Variants in MIR2052HG observed in about 807,000 individuals in gnomAD.
MIR2052HG encodes the protein MIR2052 host gene.
chr8:74,697,439 C>A (rs951190165), intron 2 of MIR2052HG, among the ~76,000 whole-genome samples: 3 of 152,056 alleles, frequency 2.0e-5, no homozygotes, highest in Non-Finnish European at 4.4e-5. Context: ...CCACTTTTAC[C>A]ACTTACATTC....
At chr8:74,628,075 G>A (rs953074789) in intron 2 of MIR2052HG, among the ~76,000 whole-genome samples, 4 of 152,100 alleles carry the variant, frequency 2.6e-5, no homozygotes, top group African/African-American at 9.7e-5. Flanking sequence ...TCTGCTTCCT[G>A]TCATTGTTAA....
intron 2 of MIR2052HG, among the ~76,000 whole-genome samples, chr8:74,695,364 G>A (rs866471626): frequency 6.6e-6 from 1 of 152,004 alleles, no homozygotes; most frequent in Non-Finnish European, 1.5e-5. Context: ...TCTCCTTAAA[G>A]CATAAATCTC....
chr8:74,648,811 G>A (rs946380218), intron 2 of MIR2052HG, among the ~76,000 whole-genome samples: 1 of 152,102 alleles, frequency 6.6e-6, no homozygotes, highest in Non-Finnish European at 1.5e-5. Context: ...TCGTCTCTAT[G>A]TGCCTGATAG....
chr8:74,695,486 C>T (rs891356144), intron 2 of MIR2052HG, among the ~76,000 whole-genome samples: 4 of 151,974 alleles, frequency 2.6e-5, no homozygotes, highest in African/African-American at 9.7e-5. Context: ...TATAAATGGC[C>T]TAAATGCTCC....
intron 2 of MIR2052HG, among the ~76,000 whole-genome samples, chr8:74,639,885 T>G (rs758034468): frequency 1.3e-5 from 2 of 152,118 alleles, no homozygotes; most frequent in Non-Finnish European, 2.9e-5. Context: ...ATTGAACTAG[T>G]CTGCAAGTGG....
At chr8:74,699,037 G>A (rs761807227) in intron 2 of MIR2052HG, among the ~76,000 whole-genome samples, 9 of 152,138 alleles carry the variant, frequency 5.9e-5, no homozygotes, top group Non-Finnish European at 8.8e-5. Context: ...GCAGGGAAAT[G>A]CAAATCAAAA....
chr8:74,607,679 T>C (rs1013654581), intron 1 of MIR2052HG, among the ~76,000 whole-genome samples: 2 of 152,144 alleles, frequency 1.3e-5, no homozygotes, highest in Admixed American at 6.5e-5. Context: ...ATCTACCATT[T>C]TATTCAGGAA....
At chr8:74,670,117 C>CACCTTTATT (rs1808975115) in intron 2 of MIR2052HG, among the ~76,000 whole-genome samples, 1 of 152,186 alleles carries the variant, frequency 6.6e-6, no homozygotes, top group South Asian at 2.1e-4. Flanking sequence ...ACACTGTTGG[C>CACCTTTATT]ACCTTTATTT....
At chr8:74,633,677 G>T (rs913379338) in intron 2 of MIR2052HG, among the ~76,000 whole-genome samples, 1 of 152,186 alleles carries the variant, frequency 6.6e-6, no homozygotes, top group Non-Finnish European at 1.5e-5. Context: ...GTTTGCATGT[G>T]TACTGTTCAT....
chr8:74,603,147 C>T (rs1808049215), intron 1 of MIR2052HG: 4 of 685,244 alleles, frequency 5.8e-6, no homozygotes, highest in South Asian at 3.3e-5. Context: ...TAAAAAATCA[C>T]GAGTGGATGA....
intron 1 of MIR2052HG, among the ~76,000 whole-genome samples, chr8:74,606,446 T>C (rs1296124916): frequency 6.6e-6 from 1 of 152,162 alleles, no homozygotes; most frequent in East Asian, 1.9e-4. Context: ...ATTATGATAT[T>C]TATAACATAT....
intron 4 of MIR2052HG, among the ~76,000 whole-genome samples, chr8:74,745,173 G>C (rs534619687): frequency 3.3e-5 from 5 of 152,102 alleles, no homozygotes; most frequent in Non-Finnish European, 7.4e-5. Context: ...TGAGGTGGGA[G>C]GATCCCTTGA....
intron 2 of MIR2052HG, among the ~76,000 whole-genome samples, chr8:74,661,743 C>T (rs1316488581): frequency 6.6e-6 from 1 of 152,116 alleles, no homozygotes. Context: ...AAGGGGAAAT[C>T]GGATGCAGGT....
intron 2 of MIR2052HG, among the ~76,000 whole-genome samples, chr8:74,662,696 C>T (rs1808878101): frequency 1.3e-5 from 2 of 152,106 alleles, no homozygotes; most frequent in South Asian, 2.1e-4. Flanking sequence ...TCTGTTTCCA[C>T]TTATAGGGTG....
chr8:74,632,899 G>A (rs1325423658), intron 2 of MIR2052HG, among the ~76,000 whole-genome samples: 2 of 152,058 alleles, frequency 1.3e-5, no homozygotes, highest in Admixed American at 1.3e-4. Context: ...TGACTCCCAG[G>A]CTGTCTCTGT....
intron 2 of MIR2052HG, among the ~76,000 whole-genome samples, chr8:74,688,260 C>A (rs1267496892): frequency 6.6e-6 from 1 of 152,162 alleles, no homozygotes; most frequent in Non-Finnish European, 1.5e-5. Flanking sequence ...GAACAGTATT[C>A]ATGATCCAAA....
intron 2 of MIR2052HG, among the ~76,000 whole-genome samples, chr8:74,641,036 CT>C (rs1197287144): frequency 6.6e-6 from 1 of 152,046 alleles, no homozygotes; most frequent in African/African-American, 2.4e-5. Context: ...AAGATGGGTA[CT>C]TTTTAATGGT....
chr8:74,612,845 T>G (rs1210954597), intron 1 of MIR2052HG: 4 of 455,336 alleles, frequency 8.8e-6, no homozygotes, highest in Non-Finnish European at 1.8e-5. Flanking sequence ...AAAAATGTTT[T>G]TCTGCAGTTC....
intron 4 of MIR2052HG, among the ~76,000 whole-genome samples, chr8:74,721,952 G>A (rs969969841): frequency 6.6e-6 from 1 of 152,210 alleles, no homozygotes; most frequent in South Asian, 2.1e-4. Context: ...CAGCACTTCA[G>A]GAGGATGAGG....
Sources: allele counts gnomAD v4.1 joint callset (sites outside exome capture counted in the v4.1 genomes callset), GRCh38; gene constraint gnomAD v4.1.1; transcripts MANE v1.5; gene names NCBI Gene and HGNC (gene_info 2026-07-23, HGNC 2026-07-21).